Variants in CDC37L1 observed in about 807,000 individuals in gnomAD.
CDC37L1 encodes cell division cycle 37 like 1, HSP90 cochaperone.
CDC37L1 carries 32 observed loss-of-function variants against 45.9 expected under a neutral mutation model. The ratio of observed to expected loss-of-function variants is 0.70; its 90% CI spans 0.53 to 0.94. The LOEUF (loss-of-function observed/expected upper bound fraction) is 0.94, where lower values mean the gene tolerates loss of function less well. Among genes scored for constraint, CDC37L1 ranks in the 40% least tolerant of loss-of-function variants. The pLI is 0.00. For synonymous variants in CDC37L1, 150 were observed against 133.0 expected (o/e 1.13, Z -0.88); for missense variants, 434 against 405.7 (o/e 1.07, Z -0.60).
At chr9:4,685,342 C>T in intron 2 of CDC37L1, 184 bp downstream of exon 2, 1 of 525,718 alleles carries the variant, frequency 1.9e-6, no homozygotes, top group Non-Finnish European at 3.4e-6. Flanking sequence ...TGTAGAGCTG[C>T]AGACTCCAGG....
chr9:4,692,801 G>C (rs561684456), intron 3 of CDC37L1, among the ~76,000 whole-genome samples: 1 of 152,156 alleles, frequency 6.6e-6, no homozygotes, highest in South Asian at 2.1e-4. Context: ...GTGATTCACT[G>C]TATTAACTGA....
At chr9:4,705,963 A>C (rs774802797) in intron 6 of CDC37L1, 48 bp from the exon 7 acceptor site, 19 of 876,360 alleles carry the variant, frequency 2.2e-5, no homozygotes, top group Non-Finnish European at 3.7e-5. Flanking sequence ...AAAACTGGTT[A>C]TAATGCGTTC....
At chr9:4,703,168 G>A in intron 6 of CDC37L1, 3 of 1,477,692 alleles carry the variant, frequency 2.0e-6, no homozygotes, top group Non-Finnish European at 2.7e-6. Context: ...AAAAGACAAT[G>A]TGAGGAGAGT....
intron 1 of CDC37L1, among the ~76,000 whole-genome samples, chr9:4,682,248 C>T (rs538638319): frequency 4.4e-4 from 66 of 150,052 alleles, no homozygotes; most frequent in African/African-American, 1.4e-3. Flanking sequence ...CCACAGCCTC[C>T]GCCTCCCAGG....
chr9:4,688,475 T>C, intron 2 of CDC37L1, 38 bp from the exon 3 acceptor site: 1 of 1,096,388 alleles, frequency 9.1e-7, no homozygotes, highest in Non-Finnish European at 1.3e-6. Context: ...TCAATTAGAA[T>C]TTAAAATCTG....
At chr9:4,697,236 T>C (rs780743368) in intron 4 of CDC37L1, 25 bp downstream of exon 4, 8 of 998,060 alleles carry the variant, frequency 8.0e-6, no homozygotes, top group Non-Finnish European at 1.3e-5. Flanking sequence ...ACCTTGAGTT[T>C]CTGGGAACCT....
intron 3 of CDC37L1, among the ~76,000 whole-genome samples, 169 bp downstream of exon 3, chr9:4,688,775 T>C (rs565570662): frequency 3.1e-4 from 47 of 152,150 alleles, no homozygotes; most frequent in African/African-American, 9.9e-4. Context: ...TTTTTTTGGT[T>C]ATAAATAAAA....
At chr9:4,693,011 G>C (rs1050063473) in intron 3 of CDC37L1, among the ~76,000 whole-genome samples, 1 of 152,192 alleles carries the variant, frequency 6.6e-6, no homozygotes, top group Non-Finnish European at 1.5e-5. Context: ...TATGGTGGTA[G>C]ACGATTGGAA....
At chr9:4,680,006 T>C in intron 1 of CDC37L1, 107 bp downstream of exon 1, 1 of 1,414,592 alleles carries the variant, frequency 7.1e-7, no homozygotes, top group Non-Finnish European at 9.5e-7. Context: ...TACGCCCACC[T>C]CACTGCCAGG....
At position 4,696,368 on chromosome 9, in the gene CDC37L1, G is replaced by T. The variant is rs577706060; in HGVS notation, c.509-728G>T. ...ATATTGAATTTATTCAGTTAGCCAG[G>T]CACAGTGGCTCATGCCCATAATCCC... is the stretch of plus-strand genomic sequence containing the variant. On this transcript the variant is annotated intron_variant, in intron 3 of 6. Transcript: ENST00000381854. Among the ~76,000 whole-genome samples, 5 of 152,156 alleles carry T rather than the reference G, an allele frequency of 3.3e-5. No individual in the cohort carries two copies. The East Asian group carries it at 9.7e-4, about 29-fold the overall frequency.
At chr9:4,683,328 A>G (rs1261812385) in intron 1 of CDC37L1, among the ~76,000 whole-genome samples, 1 of 151,838 alleles carries the variant, frequency 6.6e-6, no homozygotes, top group Non-Finnish European at 1.5e-5. Flanking sequence ...ATTGTTTACC[A>G]CCACCAGTCA....
rs1563766411 is a variant in CDC37L1, at chr9:4,682,159, C to CTTTTTTTTTTTTTTTTTTTTTTTTT, written c.132+2261_132+2262insTTTTTTTTTTTTTTTTTTTTTTTTT. Among the ~76,000 whole-genome samples the CTTTTTTTTTTTTTTTTTTTTTTTTT allele has an allele frequency of 8.3e-5, 4 of 48,466 alleles. 2 individuals carry two copies. The highest frequency in any genetic ancestry group is 3.3e-4 in the African/African-American group (2 of 6,014). 31.8% of individuals were successfully genotyped at this position (48,466 alleles called of 152,430 possible). A position where few individuals can be genotyped will look rare whatever the true frequency, so the allele number is the denominator to read the frequency against. On this transcript the variant is annotated intron_variant, in intron 1 of 6. Transcript: ENST00000381854. ...TACTTTTCTTGATATATTATCCTTT[C>CTTTTTTTTTTTTTTTTTTTTTTTTT]TCTTTTTTTTTTTTTTTTTTTGAGG... is the stretch of plus-strand genomic sequence containing the variant.
intron 1 of CDC37L1, among the ~76,000 whole-genome samples, chr9:4,683,025 T>A (rs1563766696): frequency 7.0e-6 from 1 of 142,264 alleles, no homozygotes; most frequent in African/African-American, 2.6e-5. Flanking sequence ...TAAATATATA[T>A]TATATTTATA....
In CDC37L1 at chr9:4,679,717, C is replaced by T. The variant is rs1042928879; in HGVS notation, c.-51C>T. The T allele has an allele frequency of 8.4e-6, 13 of 1,551,016 alleles. No individual in the cohort carries two copies. The highest frequency in any genetic ancestry group is 9.6e-6 in the Non-Finnish European group (11 of 1,140,606). ...GTTCCATTCACGCCAAGTCTGTTGG[C>T]AGTGGCAGTTGTAGGGCCAAGGGCG... On this transcript the variant is annotated 5_prime_UTR_variant, in exon 1 of 7. Transcript: ENST00000381854.
intron 2 of CDC37L1, among the ~76,000 whole-genome samples, chr9:4,685,652 TAAGA>T (rs1283529450): frequency 5.3e-5 from 8 of 152,178 alleles, no homozygotes; most frequent in Non-Finnish European, 1.2e-4. Flanking sequence ...GATTGAGAGA[TAAGA>T]TAAAGAGAAG....
rs575590122 is a variant in CDC37L1 at position 4,685,461 on chromosome 9, T to C, written c.414+303T>C. 85 of 250,930 alleles carry C rather than the reference T, an allele frequency of 3.4e-4. 1 individual carries two copies. The highest frequency in any genetic ancestry group is 2.9e-3 in the Middle Eastern group (2 of 690). The allele number at this position is 250,930 out of a possible 1,614,324, so 15.5% of individuals were successfully genotyped here. ...AATTTGATATAAGGATGGGAAAATA[T>C]ATCAGTTATGAAATATTTTCCTCCA... On this transcript the variant is annotated intron_variant, in intron 2 of 6. Coordinates refer to ENST00000381854, the MANE Select transcript of CDC37L1 (RefSeq NM_017913.4).
At chr9:4,693,575 TTGA>T (rs1162693871) in intron 3 of CDC37L1, among the ~76,000 whole-genome samples, 5 of 152,100 alleles carry the variant, frequency 3.3e-5, no homozygotes, top group African/African-American at 1.2e-4. Flanking sequence ...ATATTGAAGG[TTGA>T]TGATGGATTG....
chr9:4,684,842 T>A lies in CDC37L1; in HGVS notation c.133-35T>A. On this transcript the variant is annotated intron_variant, in intron 1 of 6. Coordinates refer to ENST00000381854, the MANE Select transcript of CDC37L1 (RefSeq NM_017913.4). ...ACTGTGCTGCACAAACATCCATTGC[T>A]TTCTTCATTTCTTACAAATATTGTT... The A allele has an allele frequency of 2.0e-6, 3 of 1,529,550 alleles. No individual in the cohort carries two copies. In the South Asian group the frequency reaches 3.5e-5, roughly 18 times the overall value. The allele number at this position is 1,529,550 out of a possible 1,614,324, so 94.7% of individuals were successfully genotyped here.
chr9:4,699,451 C>T (rs923850312), intron 5 of CDC37L1, among the ~76,000 whole-genome samples: 1 of 152,078 alleles, frequency 6.6e-6, no homozygotes, highest in African/African-American at 2.4e-5. Context: ...CTGTAAAATA[C>T]TAGCCAACAT....
Sources: allele counts gnomAD v4.1 joint callset (sites outside exome capture counted in the v4.1 genomes callset), GRCh38; gene constraint gnomAD v4.1.1; transcripts MANE v1.5; gene names NCBI Gene and HGNC (gene_info 2026-07-23, HGNC 2026-07-21).